The following ADAMTSL3 variants were observed in gnomAD, a reference collection of about 807,000 sequenced individuals.
ADAMTSL3 encodes ADAMTS like 3, also known as ADAMTS-like protein 3.
ADAMTSL3 carries 128 observed loss-of-function variants against 201.7 expected under a neutral mutation model. The ratio of observed to expected loss-of-function variants is 0.63; its 90% CI spans 0.55 to 0.73. ADAMTSL3 has a LOEUF of 0.73. ADAMTSL3 is among the 30% of genes least tolerant of loss of function. The pLI, the probability that ADAMTSL3 is intolerant of heterozygous loss-of-function variation, is 0.00. For missense variants in ADAMTSL3, 1,990 were observed against 2,119.6 expected (o/e 0.94, Z 1.20); for synonymous variants, 738 against 748.4 (o/e 0.99, Z 0.23).
chr15:83,987,350 T>C (rs911648301), intron 21 of ADAMTSL3, among the ~76,000 whole-genome samples: 1 of 152,258 alleles, frequency 6.6e-6, no homozygotes, highest in African/African-American at 2.4e-5. Flanking sequence ...CATTATTTCA[T>C]ACTATTCTAA....
At chr15:83,868,763 A>G (rs77298919) in intron 8 of ADAMTSL3, among the ~76,000 whole-genome samples, 14,535 of 152,256 alleles carry the variant, frequency 0.095, 1,050 homozygotes, top group South Asian at 0.34. Flanking sequence ...AATTTATGTG[A>G]ACTTGAAAAT....
In ADAMTSL3 at chr15:83,982,624, A is replaced by G. The variant is rs752575954; in HGVS notation, c.2996A>G (p.Asp999Gly). 6.2e-6 allele frequency: 10 copies of G among 1,614,210 alleles called. No homozygotes were observed. The South Asian group carries it at 9.9e-5, about 16-fold the overall frequency. ...ETVVLKLIGT[D>G]NRLIARPALR... Reference sequence around the variant, plus strand: ...GTTGTGCTCAAGCTCATTGGTACTGACAACCGGCTCATCGCACGCCCAGCC... The same window carrying G: ...GTTGTGCTCAAGCTCATTGGTACTGGCAACCGGCTCATCGCACGCCCAGCC... Residue 999 changes from aspartate to glycine, a missense_variant, in exon 21 of 30, where the codon GAC (aspartate) becomes GGC (glycine). By Grantham distance (94) the Asp-to-Gly change is moderately conservative (BLOSUM62 -1). Transcript: ENST00000286744.
intron 13 of ADAMTSL3, among the ~76,000 whole-genome samples, chr15:83,896,389 G>C (rs1026753215): frequency 6.6e-6 from 1 of 152,114 alleles, no homozygotes; most frequent in Non-Finnish European, 1.5e-5. Flanking sequence ...GTATTGAAGA[G>C]AATGTTTATT....
chr15:83,845,138 C>T (rs1049898755), intron 7 of ADAMTSL3, among the ~76,000 whole-genome samples: 3 of 152,228 alleles, frequency 2.0e-5, no homozygotes, highest in Non-Finnish European at 4.4e-5. Context: ...ACAAGTGTCG[C>T]CTCCTCAGAG....
In ADAMTSL3 at chr15:83,654,863, C is replaced by T. The variant is rs1286914423; in HGVS notation, c.-34+587C>T. On this transcript the variant is annotated intron_variant, in intron 1 of 29. Coordinates refer to ENST00000286744, the MANE Select transcript of ADAMTSL3 (RefSeq NM_207517.3). The surrounding 1 kb of genome is among the most constrained non-coding windows in gnomAD (Gnocchi z 5.3). ...TCAGCCAGGAGTCGCCGCCTCAGGT[C>T]GGAAACAGCAGCACATTTGCGGATC... 2.0e-5 allele frequency among the ~76,000 whole-genome samples: 3 copies of T among 152,158 alleles called. No individual in the cohort carries two copies. The highest frequency in any genetic ancestry group is 1.9e-4 in the East Asian group (1 of 5,170).
intron 20 of ADAMTSL3, among the ~76,000 whole-genome samples, chr15:83,977,078 A>C (rs2067301508): frequency 6.6e-6 from 1 of 152,178 alleles, no homozygotes; most frequent in South Asian, 2.1e-4. Flanking sequence ...GCAAGCAGGC[A>C]TTACCACCTG....
intron 3 of ADAMTSL3, among the ~76,000 whole-genome samples, chr15:83,771,718 G>A (rs2062986909): frequency 6.6e-6 from 1 of 152,168 alleles, no homozygotes; most frequent in South Asian, 2.1e-4. Flanking sequence ...CCATGTCTTG[G>A]CTATTGCAAA....
rs200920783 is a variant in ADAMTSL3, at chr15:83,709,403, A to G, written c.189+4895A>G. Among the ~76,000 whole-genome samples, 4 of 152,216 alleles carry G rather than the reference A, an allele frequency of 2.6e-5. No homozygotes were observed. In the East Asian group the frequency reaches 7.7e-4, roughly 29 times the overall value. ...GGCTAAGAAGGCTGTGGTTTCAGTT[A>G]CTAGCCAGCCTGTCTCTGGGGTAGA... On this transcript the variant is annotated intron_variant, in intron 3 of 29. Coordinates refer to ENST00000286744, the MANE Select transcript of ADAMTSL3 (RefSeq NM_207517.3).
At chr15:83,790,697 G>C (rs1045623275) in intron 4 of ADAMTSL3, among the ~76,000 whole-genome samples, 1 of 152,036 alleles carries the variant, frequency 6.6e-6, no homozygotes, top group African/African-American at 2.4e-5. Flanking sequence ...CTTACCATAG[G>C]AGAAGAAAAA....
At chr15:83,903,329 A>G (rs2141927540) in intron 15 of ADAMTSL3, among the ~76,000 whole-genome samples, 1 of 150,246 alleles carries the variant, frequency 6.7e-6, no homozygotes, top group African/African-American at 2.5e-5. Context: ...CAGTGGCATT[A>G]AGCACACTCA....
chr15:83,943,966 T>TG (rs1249646267), intron 19 of ADAMTSL3, among the ~76,000 whole-genome samples: 8 of 64,012 alleles, frequency 1.2e-4, no homozygotes, highest in African/African-American at 8.3e-4. Flanking sequence ...ATATCCTATG[T>TG]TTTTTTTTAT....
chr15:83,834,955 C>G (rs926820387), intron 6 of ADAMTSL3, among the ~76,000 whole-genome samples: 1 of 152,068 alleles, frequency 6.6e-6, no homozygotes, highest in Non-Finnish European at 1.5e-5. Context: ...TATTGTTGGG[C>G]CGGGCGCTGT....
At chr15:83,704,937 T>C (rs1415312020) in intron 3 of ADAMTSL3, among the ~76,000 whole-genome samples, 1 of 150,598 alleles carries the variant, frequency 6.6e-6, no homozygotes, top group Non-Finnish European at 1.5e-5. Context: ...GAACACAGTG[T>C]GAATGCCTGT....
At chr15:83,853,938 AT>A (rs1567191050) in intron 7 of ADAMTSL3, among the ~76,000 whole-genome samples, 2 of 151,794 alleles carry the variant, frequency 1.3e-5, no homozygotes, top group African/African-American at 4.8e-5. Flanking sequence ...CTATCTATCT[AT>A]CTATCTATCT....
chr15:83,771,087 A>G (rs950658021), intron 3 of ADAMTSL3, among the ~76,000 whole-genome samples: 2 of 151,924 alleles, frequency 1.3e-5, no homozygotes, highest in Non-Finnish European at 2.9e-5. Context: ...AAAACAAAAC[A>G]AACAAAAAGC....
intron 2 of ADAMTSL3, among the ~76,000 whole-genome samples, chr15:83,675,072 T>A (rs111324272): frequency 5.2e-4 from 79 of 152,148 alleles, no homozygotes; most frequent in African/African-American, 1.7e-3. Flanking sequence ...GAAATACAAT[T>A]GATTTTTGTG....
In ADAMTSL3 at chr15:83,897,416, CAGAAT is replaced by C. The variant is rs143570663; in HGVS notation, c.1468-437_1468-433del. On this transcript the variant is annotated intron_variant, in intron 13 of 29. Coordinates refer to ENST00000286744, the MANE Select transcript of ADAMTSL3 (RefSeq NM_207517.3). ...GTTTTGCAAGACTGACTTCTATAGA[CAGAAT>C]AGAAAAATAATCCTCTGGCATAATT... 7.2e-3 allele frequency among the ~76,000 whole-genome samples: 1,092 copies of C among 152,104 alleles called. 11 individuals carry two copies. Among genetic ancestry groups the C allele is most frequent in the African/African-American group, 0.025 (1,047 of 41,490 alleles).
chr15:83,823,913 C>G, intron 6 of ADAMTSL3, among the ~76,000 whole-genome samples: 1 of 75,622 alleles, frequency 1.3e-5, no homozygotes, highest in Non-Finnish European at 3.0e-5. Context: ...TCTTCTTCTT[C>G]TTCTTCTTCT....
At chr15:83,683,171 T>C (rs939465339) in intron 2 of ADAMTSL3, among the ~76,000 whole-genome samples, 1 of 152,242 alleles carries the variant, frequency 6.6e-6, no homozygotes, top group African/African-American at 2.4e-5. Context: ...TCAGACCTTC[T>C]GTGTGCAGCC....
Sources: allele counts gnomAD v4.1 joint callset (sites outside exome capture counted in the v4.1 genomes callset), GRCh38; gene constraint gnomAD v4.1.1; non-coding constraint Gnocchi (gnomAD v3.1); transcripts MANE v1.5; gene names NCBI Gene and HGNC (gene_info 2026-07-23, HGNC 2026-07-21).